NUDT9: variants seen among roughly 807,000 people sequenced by gnomAD.
The protein encoded by NUDT9 is ADP-ribose pyrophosphatase.
A neutral mutation model predicts 41.0 loss-of-function variants in NUDT9; 31 were observed. That is an observed-to-expected ratio of 0.76 (90% CI 0.57 to 1.02). The LOEUF (loss-of-function observed/expected upper bound fraction) is 1.02. Ranked by LOEUF, NUDT9 falls within the 50% of genes least tolerant of loss-of-function variation. The pLI is 0.00. For synonymous variants in NUDT9, 146 were observed against 147.6 expected, an observed-to-expected ratio of 0.99 and a Z score of 0.08; for missense variants, 380 against 431.4, an observed-to-expected ratio of 0.88 and a Z score of 1.06.
chr4:87,434,591 T>C (rs1721825811), intron 1 of NUDT9, among the ~76,000 whole-genome samples: 1 of 152,090 alleles, frequency 6.6e-6, no homozygotes, highest in African/African-American at 2.4e-5. Flanking sequence ...GTTTTTGAAA[T>C]TGGAAAGTAT....
intron 1 of NUDT9, among the ~76,000 whole-genome samples, chr4:87,425,990 T>C (rs1721399136): frequency 6.6e-6 from 1 of 152,054 alleles, no homozygotes. Context: ...ATTTATTTAT[T>C]GTTTGTAGAG....
At chr4:87,435,647 C>T (rs7690728) in intron 2 of NUDT9, among the ~76,000 whole-genome samples, 26,950 of 151,872 alleles carry the variant, frequency 0.18, 2,602 homozygotes, top group African/African-American at 0.25. Flanking sequence ...TTACTAAGAA[C>T]AGGATGATGA....
intron 1 of NUDT9, 59 bp from the exon 2 acceptor site, chr4:87,434,922 G>T (rs1721852136): frequency 4.0e-6 from 6 of 1,484,638 alleles, no homozygotes; most frequent in Admixed American, 1.9e-5. Flanking sequence ...CCCGGCCTAG[G>T]TTCTTTAATT....
chr4:87,451,656 A>G lies in NUDT9; in HGVS notation c.710A>G (p.Asn237Ser). The G allele has an allele frequency of 6.2e-7, 1 of 1,613,838 alleles. No homozygotes were observed. The highest frequency in any genetic ancestry group is 8.5e-7 in the Non-Finnish European group (1 of 1,179,784). The change falls in exon 6 of 8, where the codon AAC becomes AGC. Residue 237 changes from asparagine to serine, a missense_variant. Coordinates refer to ENST00000302174, the MANE Select transcript of NUDT9 (RefSeq NM_024047.5). Reference protein sequence around the residue: ...LKREFGEEALNSLQKTSAEKR... With the variant: ...LKREFGEEALSSLQKTSAEKR... ...AGAGAATTTGGTGAGGAAGCTCTCA[A>G]CTCCTTACAGAAAACCAGTGCTGAG... is the stretch of plus-strand genomic sequence containing the variant.
intron 4 of NUDT9, among the ~76,000 whole-genome samples, chr4:87,446,802 T>A (rs903297283): frequency 3.9e-5 from 6 of 152,070 alleles, no homozygotes; most frequent in South Asian, 2.1e-4. Flanking sequence ...GAACAGTGTT[T>A]TATATATATA....
Position 87,429,205 on chromosome 4 carries a change from G to T in NUDT9, c.108-5776G>T, listed in dbSNP as rs570724468. Among the ~76,000 whole-genome samples, 125 of 152,206 alleles carry T rather than the reference G, an allele frequency of 8.2e-4. 5 individuals carry two copies. The South Asian group carries it at 0.025, about 30-fold the overall frequency. ...CTCACTATGTTGCCCAGGCTGGAGT[G>T]CAGTGGCGTGATCATGGTTCACTGC... On this transcript the variant is annotated intron_variant, in intron 1 of 7. Transcript: ENST00000302174.
In NUDT9 at chr4:87,453,861, C is replaced by CTT. The variant is rs533107265; in HGVS notation, c.790-496_790-495dup. ...TCTTTCTTTTTTTCTTTCTTTCTTT[C>CTT]TTTTTTTTTTTTTTTGAGACAGAGT... On this transcript the variant is annotated intron_variant, in intron 6 of 7. Coordinates refer to ENST00000302174, the MANE Select transcript of NUDT9 (RefSeq NM_024047.5). Among the ~76,000 whole-genome samples, 65 of 136,246 alleles carry CTT rather than the reference C, an allele frequency of 4.8e-4. No individual in the cohort carries two copies. The Middle Eastern group carries it at 0.012, about 25-fold the overall frequency. The allele number at this position is 136,246 out of a possible 152,430, so 89.4% of individuals were successfully genotyped here.
intron 4 of NUDT9, among the ~76,000 whole-genome samples, chr4:87,448,051 AG>A (rs1722538264): frequency 1.3e-5 from 2 of 151,524 alleles, no homozygotes; most frequent in Non-Finnish European, 1.5e-5. Flanking sequence ...AAAAAAAAAA[AG>A]ATTGAGAAGT....
chr4:87,457,832 T>C lies in NUDT9; in HGVS notation c.875-11T>C. 1 of 1,605,668 alleles carries C rather than the reference T, an allele frequency of 6.2e-7. No homozygotes were observed. Among genetic ancestry groups the C allele is most frequent in the South Asian group, 1.1e-5 (1 of 89,272 alleles). Reference sequence around the variant, plus strand: ...AGTTTTTCTTGGTGATGGTTTTTCTTTGGCAACCAGGTGAGATAATGGATA... The same window carrying C: ...AGTTTTTCTTGGTGATGGTTTTTCTCTGGCAACCAGGTGAGATAATGGATA... On this transcript the variant is annotated splice_polypyrimidine_tract_variant and intron_variant, in intron 7 of 7. Coordinates refer to ENST00000302174, the MANE Select transcript of NUDT9 (RefSeq NM_024047.5).
At chr4:87,440,431 T>G (rs1286820322) in intron 3 of NUDT9, among the ~76,000 whole-genome samples, 1 of 152,228 alleles carries the variant, frequency 6.6e-6, no homozygotes, top group Non-Finnish European at 1.5e-5. Context: ...TTTAATATAG[T>G]CTGTGTGTCC....
chr4:87,453,616 G>T (rs1722853628), intron 6 of NUDT9, among the ~76,000 whole-genome samples: 1 of 151,910 alleles, frequency 6.6e-6, no homozygotes, highest in Non-Finnish European at 1.5e-5. Context: ...TTTTAGTAGA[G>T]ACGAGGTTTC....
chr4:87,446,101 A>G (rs901359339), intron 4 of NUDT9, among the ~76,000 whole-genome samples: 5 of 151,958 alleles, frequency 3.3e-5, no homozygotes, highest in African/African-American at 1.2e-4. Context: ...TCTGTTTCTC[A>G]TCCTTGTTTC....
chr4:87,443,801 G>A (rs1349385489), intron 4 of NUDT9, among the ~76,000 whole-genome samples: 1 of 152,200 alleles, frequency 6.6e-6, no homozygotes, highest in Admixed American at 6.5e-5. Context: ...TTGTAGAAGA[G>A]TAGTGGGCGA....
Position 87,423,036 on chromosome 4 carries a change from C to T in NUDT9, c.107+24C>T, listed in dbSNP as rs200805668. The stretch of plus-strand genomic sequence containing the variant: ...AGGTATTCCACCCTCCTACTACCGG[C>T]TCCTTTGCCCTAGACCTTGAGTTGG... On this transcript the variant is annotated intron_variant, in intron 1 of 7. Transcript: ENST00000302174. 2.0e-4 allele frequency: 314 copies of T among 1,582,086 alleles called. 2 individuals are homozygous for T. In the East Asian group the frequency reaches 6.1e-3, roughly 31 times the overall value.
chr4:87,433,888 A>C (rs1482454440), intron 1 of NUDT9, among the ~76,000 whole-genome samples: 2 of 152,128 alleles, frequency 1.3e-5, no homozygotes, highest in Admixed American at 1.3e-4. Flanking sequence ...TCTACCTTCA[A>C]ATTATATTAC....
chr4:87,448,810 A>T (rs530933298), intron 4 of NUDT9, among the ~76,000 whole-genome samples: 67 of 152,292 alleles, frequency 4.4e-4, no homozygotes, highest in African/African-American at 1.5e-3. Flanking sequence ...CTTATTTTTT[A>T]AAAAACTTTG....
chr4:87,435,863 A>G (rs12640894), intron 2 of NUDT9, among the ~76,000 whole-genome samples: 17,731 of 152,256 alleles, frequency 0.12, 1,112 homozygotes, highest in East Asian at 0.23. Context: ...ATATTTTGAC[A>G]TACATATACA....
chr4:87,438,478 A>G (rs946201442), intron 3 of NUDT9, 106 bp downstream of exon 3: 2 of 602,502 alleles, frequency 3.3e-6, no homozygotes, highest in South Asian at 3.9e-5. Flanking sequence ...GTACAAATTT[A>G]TTTACATATG....
intron 4 of NUDT9, among the ~76,000 whole-genome samples, chr4:87,446,651 C>T (rs922886182): frequency 6.6e-5 from 10 of 152,086 alleles, no homozygotes; most frequent in Admixed American, 3.3e-4. Context: ...TGTGTTTACG[C>T]CCTTGTTAAC....
Sources: allele counts gnomAD v4.1 joint callset (sites outside exome capture counted in the v4.1 genomes callset), GRCh38; gene constraint gnomAD v4.1.1; transcripts MANE v1.5; gene names NCBI Gene and HGNC (gene_info 2026-07-23, HGNC 2026-07-21).